Variants in CDH2 observed in about 807,000 individuals in gnomAD.
CDH2 encodes cadherin-2.
CDH2 carries 17 observed loss-of-function variants against 92.0 expected under a neutral mutation model. The observed-to-expected ratio is 0.18, with a 90% CI of 0.13 to 0.28. CDH2 has a LOEUF of 0.28. Among genes scored for constraint, CDH2 ranks in the 10% least tolerant of loss-of-function variants. The probability of loss-of-function intolerance (pLI) is 1.00; values close to 1 mark genes in which losing one functional copy is unlikely to be tolerated. For missense variants in CDH2, 862 were observed against 1,133.1 expected (o/e 0.76, Z 3.44); for synonymous variants, 419 against 415.9 (o/e 1.01, Z -0.09).
chr18:28,170,367 G>A (rs7243759), intron 1 of CDH2, among the ~76,000 whole-genome samples: 45,274 of 151,812 alleles, frequency 0.3, 8,153 homozygotes, highest in African/African-American at 0.51. Context: ...TTATTTTGAG[G>A]TGGAGTCTCG....
chr18:28,159,341 TGGGATTCATTGTAAGG>T (rs918781387), intron 1 of CDH2: 1 of 152,220 alleles, frequency 6.6e-6, no homozygotes, highest in Non-Finnish European at 1.5e-5. Context: ...GCTGGGATTC[TGGGATTCATTGTAAGG>T]GGGACTTGCC....
intron 2 of CDH2, among the ~76,000 whole-genome samples, chr18:28,106,592 C>A (rs2015327064): frequency 6.6e-6 from 1 of 151,724 alleles, no homozygotes; most frequent in African/African-American, 2.4e-5. Flanking sequence ...TCACATGTAA[C>A]CACTGAACAG....
intron 2 of CDH2, among the ~76,000 whole-genome samples, chr18:28,073,390 A>G (rs1252789198): frequency 6.6e-6 from 1 of 152,184 alleles, no homozygotes; most frequent in Non-Finnish European, 1.5e-5. Context: ...ATTTTTAAAA[A>G]ATCAATATAA....
chr18:28,133,349 C>G (rs1468722833), intron 2 of CDH2, among the ~76,000 whole-genome samples: 1 of 151,818 alleles, frequency 6.6e-6, no homozygotes, highest in Non-Finnish European at 1.5e-5. Flanking sequence ...TCTGGGAGGC[C>G]GAGGCGGGTG....
intron 3 of CDH2, 91 bp downstream of exon 3, chr18:28,013,592 A>G (rs2013157091): frequency 9.1e-6 from 8 of 877,120 alleles, no homozygotes; most frequent in Non-Finnish European, 1.5e-5. Flanking sequence ...GTGGCCATCC[A>G]TTAATGTGGT....
At chr18:28,009,252 C>T (rs1299259840) in intron 5 of CDH2, among the ~76,000 whole-genome samples, 3 of 152,146 alleles carry the variant, frequency 2.0e-5, no homozygotes, top group African/African-American at 7.2e-5. Flanking sequence ...CAAGCACTAA[C>T]ATTCCTAATT....
intron 14 of CDH2, among the ~76,000 whole-genome samples, chr18:27,969,455 G>T (rs1399428385): frequency 1.3e-5 from 2 of 152,138 alleles, no homozygotes; most frequent in African/African-American, 4.8e-5. Context: ...TGAGCTATAG[G>T]TTCACTCTTT....
At chr18:28,169,177 C>T (rs909245062) in intron 1 of CDH2, among the ~76,000 whole-genome samples, 1 of 152,094 alleles carries the variant, frequency 6.6e-6, no homozygotes, top group African/African-American at 2.4e-5. Flanking sequence ...CAGCAAATAC[C>T]TAGTTTCAAG....
intron 1 of CDH2, among the ~76,000 whole-genome samples, chr18:28,157,792 A>G (rs1466340087): frequency 1.3e-5 from 2 of 151,546 alleles, no homozygotes; most frequent in African/African-American, 2.4e-5. Context: ...AAAAATTAGG[A>G]AAAAAAAAGA....
chr18:27,970,940 C>T (rs905014296), intron 14 of CDH2, among the ~76,000 whole-genome samples: 1 of 152,094 alleles, frequency 6.6e-6, no homozygotes, highest in Non-Finnish European at 1.5e-5. Flanking sequence ...GAGGCTGAGG[C>T]AGAAGTCTAT....
At chr18:27,977,719 AAAC>A (rs1456072938) in intron 14 of CDH2, among the ~76,000 whole-genome samples, 1 of 152,186 alleles carries the variant, frequency 6.6e-6, no homozygotes, top group African/African-American at 2.4e-5. Flanking sequence ...AAAGCTCAAT[AAAC>A]AACATGTGGT....
chr18:27,940,980 G>A (rs1316178575), intron 6 of CDH2, among the ~76,000 whole-genome samples: 2 of 148,096 alleles, frequency 1.4e-5, no homozygotes, highest in Non-Finnish European at 3.0e-5. Context: ...TTGGCTTTTA[G>A]TTTGTAGGAG....
At chr18:28,103,633 T>G (rs1237408194) in intron 2 of CDH2, among the ~76,000 whole-genome samples, 1 of 151,882 alleles carries the variant, frequency 6.6e-6, no homozygotes, top group Non-Finnish European at 1.5e-5. Context: ...GTATTTCTCC[T>G]AATGCTATCC....
intron 2 of CDH2, among the ~76,000 whole-genome samples, chr18:28,057,204 C>T (rs1158097604): frequency 6.6e-6 from 1 of 152,096 alleles, no homozygotes; most frequent in African/African-American, 2.4e-5. Flanking sequence ...TATCATTGGA[C>T]TGGGTAAGAA....
intron 2 of CDH2, among the ~76,000 whole-genome samples, chr18:28,130,821 A>G (rs957770259): frequency 6.6e-6 from 1 of 152,208 alleles, no homozygotes; most frequent in African/African-American, 2.4e-5. Flanking sequence ...AGTGGTCTAG[A>G]GTAGTAAAAT....
At chr18:27,998,811 G>A (rs1029171261) in intron 7 of CDH2, among the ~76,000 whole-genome samples, 1 of 152,128 alleles carries the variant, frequency 6.6e-6, no homozygotes, top group African/African-American at 2.4e-5. Flanking sequence ...GTAGAGACAG[G>A]GTTTCGCCAT....
At chr18:28,158,381 G>A (rs1440728177) in intron 1 of CDH2, among the ~76,000 whole-genome samples, 1 of 152,194 alleles carries the variant, frequency 6.6e-6, no homozygotes, top group Non-Finnish European at 1.5e-5. Flanking sequence ...AGGTTGCAGA[G>A]CTAATATCGT....
chr18:28,004,706 A>G (rs984234983), intron 6 of CDH2, among the ~76,000 whole-genome samples: 2 of 152,194 alleles, frequency 1.3e-5, no homozygotes, highest in African/African-American at 4.8e-5. Flanking sequence ...TGTTTTAGTA[A>G]GGAAATGCTG....
At chr18:27,947,777 G>GTATGTGATGTAAC (rs1567930976), downstream of CDH2, among the ~76,000 whole-genome samples, 1 of 2,782 alleles carries the variant, frequency 3.6e-4, no homozygotes, top group Non-Finnish European at 4.6e-3. Flanking sequence ...TGTGATATAA[G>GTATGTGATGTAAC]TATATGTGAT....
Sources: gnomAD v4.1 joint callset for allele counts (sites outside exome capture counted in the v4.1 genomes callset) on GRCh38, gnomAD v4.1.1 for gene constraint, MANE v1.5 for transcripts, NCBI Gene and HGNC (gene_info 2026-07-23, HGNC 2026-07-21) for gene names.